The following ROR1 variants were observed in gnomAD, a reference collection of about 807,000 sequenced individuals.
ROR1 encodes ROR family WNT receptor 1.
A neutral mutation model predicts 78.8 loss-of-function variants in ROR1; 19 were observed. That is an observed-to-expected ratio of 0.24 (90% CI 0.17 to 0.35). The LOEUF (loss-of-function observed/expected upper bound fraction) is 0.35, where lower values mean the gene tolerates loss of function less well. Among genes scored for constraint, ROR1 ranks in the 10% least tolerant of loss-of-function variants. The pLI is 1.00. For synonymous variants in ROR1, 386 were observed against 433.6 expected (o/e 0.89, Z 1.36); for missense variants, 917 against 1,177.8 (o/e 0.78, Z 3.24).
intron 1 of ROR1, among the ~76,000 whole-genome samples, chr1:63,928,900 C>T (rs1468334564): frequency 6.6e-6 from 1 of 152,152 alleles, no homozygotes; most frequent in African/African-American, 2.4e-5. Flanking sequence ...CTTATCCTAA[C>T]AATGAAAGGA....
intron 1 of ROR1, among the ~76,000 whole-genome samples, chr1:63,794,469 G>T (rs1181935962): frequency 6.6e-6 from 1 of 152,210 alleles, no homozygotes; most frequent in Non-Finnish European, 1.5e-5. Flanking sequence ...CCGGCCTCCA[G>T]CACTAGGCCA....
chr1:64,161,784 G>C (rs1011923467), intron 8 of ROR1, among the ~76,000 whole-genome samples: 3 of 150,638 alleles, frequency 2.0e-5, no homozygotes, highest in African/African-American at 7.3e-5. Context: ...GGGTTGGGGA[G>C]GGGAAAGGAA....
intron 1 of ROR1, among the ~76,000 whole-genome samples, chr1:63,848,211 T>C (rs1645093290): frequency 6.6e-6 from 1 of 152,204 alleles, no homozygotes; most frequent in Admixed American, 6.5e-5. Context: ...ATGGTTATAA[T>C]TTCTGACTTG....
At chr1:63,902,483 AT>A (rs147218027) in intron 1 of ROR1, among the ~76,000 whole-genome samples, 10 of 149,418 alleles carry the variant, frequency 6.7e-5, no homozygotes, top group Non-Finnish European at 1.0e-4. Flanking sequence ...ATGCCCAGCT[AT>A]TTTTTTTTTA....
intron 8 of ROR1, among the ~76,000 whole-genome samples, chr1:64,161,157 T>G (rs1649931663): frequency 6.6e-6 from 1 of 152,336 alleles, no homozygotes; most frequent in South Asian, 2.1e-4. Flanking sequence ...TTATCACACT[T>G]AATCCTCACA....
rs74855354 is a variant in ROR1 at position 64,045,124 on chromosome 1, C to T, written c.164-4567C>T. On this transcript the variant is annotated intron_variant, in intron 2 of 8. Coordinates refer to ENST00000371079, the MANE Select transcript of ROR1 (RefSeq NM_005012.4). ...ATTTCAGATTTCACATTGCAACCAA[C>T]GTTTAAGAAACTACCACCTATCGAA... is the stretch of plus-strand genomic sequence containing the variant. Among the ~76,000 whole-genome samples the T allele has an allele frequency of 3.9e-3, 590 of 152,218 alleles. 7 individuals are homozygous for T. The highest frequency in any genetic ancestry group is 0.013 in the African/African-American group (559 of 41,548).
At chr1:64,057,751 A>G (rs762787979) in intron 4 of ROR1, among the ~76,000 whole-genome samples, 1 of 152,202 alleles carries the variant, frequency 6.6e-6, no homozygotes, top group Non-Finnish European at 1.5e-5. Context: ...TTGCCAGTTG[A>G]TATGTAAAAC....
At chr1:63,856,267 G>A (rs1311397729) in intron 1 of ROR1, among the ~76,000 whole-genome samples, 1 of 152,034 alleles carries the variant, frequency 6.6e-6, no homozygotes, top group East Asian at 1.9e-4. Context: ...TGATCCTTTT[G>A]GAAAGTCTTG....
chr1:64,175,568 T>C (rs1040440090), intron 8 of ROR1, among the ~76,000 whole-genome samples: 1 of 152,248 alleles, frequency 6.6e-6, no homozygotes, highest in African/African-American at 2.4e-5. Flanking sequence ...ACAAGTAAAC[T>C]TTCTAAAACT....
At chr1:64,167,865 C>T (rs1010167896) in intron 8 of ROR1, among the ~76,000 whole-genome samples, 1 of 152,188 alleles carries the variant, frequency 6.6e-6, no homozygotes, top group Non-Finnish European at 1.5e-5. Context: ...ATACCTTGAG[C>T]ATTTCACTTT....
intron 4 of ROR1, chr1:64,108,534 CA>C (rs1232994962): frequency 5.4e-5 from 8 of 149,402 alleles, no homozygotes; most frequent in African/African-American, 2.0e-4. Context: ...GTGTATTCAA[CA>C]CTCCACTTCT....
chr1:63,949,420 A>G (rs2050929), intron 1 of ROR1, among the ~76,000 whole-genome samples: 32,570 of 152,074 alleles, frequency 0.21, 3,840 homozygotes, highest in African/African-American at 0.3. Flanking sequence ...TGGGATAGGC[A>G]GGAGAACAGC....
At chr1:63,796,457 T>A (rs890656903) in intron 1 of ROR1, among the ~76,000 whole-genome samples, 6 of 152,224 alleles carry the variant, frequency 3.9e-5, no homozygotes, top group Non-Finnish European at 1.5e-5. Context: ...GTGATTTATA[T>A]GCAAATTAAA....
chr1:64,140,387 A>G lies in ROR1; in HGVS notation c.889A>G (p.Ile297Val). ...AGAGAGCCCAGAAGCTGCGAACTGT[A>G]TCCGGATTGGAATTCCCATGGCAGA... ...QPESPEAANC[I>V]RIGIPMADPI... The change falls in exon 6 of 9, where the codon ATC becomes GTC. Residue 297 changes from isoleucine (I) to valine (V), a missense_variant. Around this residue, in one of 3 missense-constraint regions of ROR1, gnomAD observed 835 missense variants for 1,069.8 expected, o/e 0.78. Coordinates refer to ENST00000371079, the MANE Select transcript of ROR1 (RefSeq NM_005012.4). 1.2e-6 allele frequency: 2 copies of G among 1,614,158 alleles called. No individual in the cohort carries two copies. The highest frequency in any genetic ancestry group is 1.7e-6 in the Non-Finnish European group (2 of 1,179,978).
At chr1:63,804,258 C>T (rs568109208) in intron 1 of ROR1, among the ~76,000 whole-genome samples, 23 of 152,120 alleles carry the variant, frequency 1.5e-4, no homozygotes, top group Middle Eastern at 3.4e-3. Flanking sequence ...TTGCACAGAA[C>T]GCACACACTC....
At chr1:63,914,148 C>T (rs746000517) in intron 1 of ROR1, among the ~76,000 whole-genome samples, 47 of 152,230 alleles carry the variant, frequency 3.1e-4, no homozygotes, top group Admixed American at 1.8e-3. Context: ...CTCTTGCTTT[C>T]TCCTTTTCAG....
Position 64,132,633 on chromosome 1 carries a change from G to A in ROR1, c.483-4736G>A, listed in dbSNP as rs550259697. On this transcript the variant is annotated intron_variant, in intron 4 of 8. Transcript: ENST00000371079. ...AAATTAGCCAGGCATGGTAGCACAC[G>A]CCTCTAATCCCAGCTACTCAGGAGG... Among the ~76,000 whole-genome samples the A allele has an allele frequency of 7.2e-4, 109 of 151,930 alleles. 1 individual carries two copies. Among genetic ancestry groups the A allele is most frequent in the Non-Finnish European group, 2.8e-4 (19 of 67,940 alleles).
At chr1:63,944,802 T>G (rs1453721431) in intron 1 of ROR1, among the ~76,000 whole-genome samples, 2 of 152,184 alleles carry the variant, frequency 1.3e-5, no homozygotes, top group Admixed American at 1.3e-4. Flanking sequence ...GATACATCCT[T>G]GGCCAAATCT....
Position 63,978,627 on chromosome 1 carries a change from A to G in ROR1, c.92-30678A>G, listed in dbSNP as rs1177787823. 2.0e-5 allele frequency among the ~76,000 whole-genome samples: 3 copies of G among 152,328 alleles called. No individual in the cohort carries two copies. In the East Asian group the frequency reaches 5.8e-4, roughly 29 times the overall value. On this transcript the variant is annotated intron_variant, in intron 1 of 8. Transcript: ENST00000371079. ...AAATTAAAAGTAGCTATATCCTTCT[A>G]TGATCCAGAAATTTCACTTCTGGTT...
Sources: allele counts gnomAD v4.1 joint callset (sites outside exome capture counted in the v4.1 genomes callset), GRCh38; gene constraint gnomAD v4.1.1; regional missense constraint gnomAD v4.1.1; transcripts MANE v1.5; gene names NCBI Gene and HGNC (gene_info 2026-07-23, HGNC 2026-07-21).